BBX: variants seen among roughly 807,000 people sequenced by gnomAD.
BBX encodes the protein HMG box transcription factor BBX.
BBX carries 30 observed loss-of-function variants against 100.2 expected under a neutral mutation model. That is an observed-to-expected ratio of 0.30 (90% CI 0.22 to 0.41). The LOEUF (loss-of-function observed/expected upper bound fraction) is 0.41. Ranked by LOEUF, BBX falls within the 10% of genes least tolerant of loss-of-function variation. The pLI is 1.00. For synonymous variants in BBX, 376 were observed against 388.1 expected (o/e 0.97, Z 0.37); for missense variants, 1,023 against 1,129.8 (o/e 0.91, Z 1.35).
chr3:107,652,750 A>G (rs1249716970), intron 3 of BBX, among the ~76,000 whole-genome samples: 1 of 152,146 alleles, frequency 6.6e-6, no homozygotes, highest in Non-Finnish European at 1.5e-5. Flanking sequence ...AAATAAATGG[A>G]TCTAAGGCGG....
intron 10 of BBX, among the ~76,000 whole-genome samples, chr3:107,762,701 G>A (rs1033071242): frequency 6.6e-6 from 1 of 152,200 alleles, no homozygotes; most frequent in East Asian, 1.9e-4. Context: ...ATTGGTGTCA[G>A]TAGGTCTGTT....
chr3:107,740,786 C>G lies in BBX; in HGVS notation c.670-3844C>G, dbSNP rs17206667. Among the ~76,000 whole-genome samples the G allele has an allele frequency of 8.7e-3, 1,315 of 151,844 alleles. 11 individuals carry two copies. Among genetic ancestry groups the G allele is most frequent in the Middle Eastern group, 0.014 (4 of 292 alleles). On this transcript the variant is annotated intron_variant, in intron 7 of 17. Coordinates refer to ENST00000325805, the MANE Select transcript of BBX (RefSeq NM_001142568.3). The stretch of plus-strand genomic sequence containing the variant: ...TCCTAAGGTGTATCTTAGATGTTAT[C>G]TATCTTCCACCTGTTCCCACACAGA...
intron 2 of BBX, among the ~76,000 whole-genome samples, chr3:107,587,988 G>A (rs2052992707): frequency 1.3e-5 from 2 of 152,196 alleles, no homozygotes; most frequent in Non-Finnish European, 2.9e-5. Context: ...CCAAAAACTA[G>A]TACAAGAGTC....
chr3:107,584,935 T>G (rs628687), intron 2 of BBX, among the ~76,000 whole-genome samples: 10 of 151,870 alleles, frequency 6.6e-5, no homozygotes, highest in Non-Finnish European at 1.3e-4. Context: ...GCCCACCTCG[T>G]CCTCCCAAAG....
chr3:107,791,161 A>G, intron 14 of BBX, 79 bp from the exon 15 acceptor site: 1 of 1,194,266 alleles, frequency 8.4e-7, no homozygotes, highest in Non-Finnish European at 1.2e-6. Flanking sequence ...TAGTTTGTAT[A>G]TCATCTTGTT....
At chr3:107,704,632 C>T (rs1364284268) in intron 3 of BBX, among the ~76,000 whole-genome samples, 1 of 152,140 alleles carries the variant, frequency 6.6e-6, no homozygotes, top group Non-Finnish European at 1.5e-5. Context: ...ATAACAAACC[C>T]ACTCTGGTGA....
chr3:107,623,614 A>G (rs1050939135), intron 2 of BBX, among the ~76,000 whole-genome samples: 1 of 152,194 alleles, frequency 6.6e-6, no homozygotes, highest in African/African-American at 2.4e-5. Context: ...TCCAGGTTTC[A>G]TGGGGTCTGA....
At chr3:107,776,208 A>G (rs2067308338) in intron 12 of BBX, 1 of 152,180 alleles carries the variant, frequency 6.6e-6, no homozygotes, top group Non-Finnish European at 1.5e-5. Flanking sequence ...GAATAAAGCA[A>G]GCATTGAGGC....
At chr3:107,536,958 G>A (rs138500837) in intron 2 of BBX, among the ~76,000 whole-genome samples, 3 of 152,316 alleles carry the variant, frequency 2.0e-5, no homozygotes, top group African/African-American at 7.2e-5. Context: ...TCCAGCATAG[G>A]CGCTAGACCT....
intron 3 of BBX, among the ~76,000 whole-genome samples, chr3:107,692,170 T>TTTTTTTTATTTATTTA (rs2060215298): frequency 6.8e-6 from 1 of 148,076 alleles, no homozygotes; most frequent in African/African-American, 2.5e-5. Context: ...TTTTTAATTA[T>TTTTTTTTATTTATTTA]TTTATTTATT....
chr3:107,634,482 G>A (rs2056737771), intron 2 of BBX, among the ~76,000 whole-genome samples: 1 of 152,180 alleles, frequency 6.6e-6, no homozygotes, highest in Non-Finnish European at 1.5e-5. Context: ...TAGCAACAGT[G>A]TTGAACTGTG....
rs2056534737 is a variant in BBX, at chr3:107,631,327, G to C, written c.-83-14509G>C. 2.6e-5 allele frequency among the ~76,000 whole-genome samples: 4 copies of C among 152,308 alleles called. No individual in the cohort carries two copies. The South Asian group carries it at 8.3e-4, about 32-fold the overall frequency. ...AGGCACTTGGATAAAAAATAGTGAA[G>C]ATGTTTAGATTAAAACAAGGAAGAA... On this transcript the variant is annotated intron_variant, in intron 2 of 17. Transcript: ENST00000325805.
At chr3:107,763,791 T>G (rs13069015) in intron 10 of BBX, among the ~76,000 whole-genome samples, 61,619 of 151,922 alleles carry the variant, frequency 0.41, 14,005 homozygotes, top group East Asian at 0.89. Flanking sequence ...TGAGTTCCAT[T>G]TCTTCCTGCA....
At chr3:107,560,015 A>G (rs1334037201) in intron 2 of BBX, among the ~76,000 whole-genome samples, 2 of 152,288 alleles carry the variant, frequency 1.3e-5, no homozygotes, top group Non-Finnish European at 2.9e-5. Flanking sequence ...AAATGCTGGC[A>G]TTATAGGTGT....
rs375990589 is a variant in BBX at position 107,565,623 on chromosome 3, C to T, written c.-84+39225C>T. 5.3e-5 allele frequency among the ~76,000 whole-genome samples: 8 copies of T among 151,750 alleles called. No homozygotes were observed. The East Asian group carries it at 7.8e-4, about 15-fold the overall frequency. ...TAGCTGGGATTACAGATGCCCACCA[C>T]CATGCCCGGATAATTTTTGTATTTT... On this transcript the variant is annotated intron_variant, in intron 2 of 17. Transcript: ENST00000325805.
intron 5 of BBX, among the ~76,000 whole-genome samples, chr3:107,727,016 G>A (rs1415329411): frequency 6.6e-6 from 1 of 152,030 alleles, no homozygotes; most frequent in Non-Finnish European, 1.5e-5. Context: ...AAAATTGGTT[G>A]ATGCTGGCAA....
At chr3:107,606,512 C>T (rs764284116) in intron 2 of BBX, among the ~76,000 whole-genome samples, 4 of 152,116 alleles carry the variant, frequency 2.6e-5, no homozygotes, top group South Asian at 2.1e-4. Context: ...CCATGTGATG[C>T]GACACTTTTG....
intron 2 of BBX, among the ~76,000 whole-genome samples, chr3:107,607,526 A>G (rs1464708733): frequency 2.0e-5 from 3 of 152,184 alleles, no homozygotes; most frequent in East Asian, 3.8e-4. Context: ...ATGGGAGTGC[A>G]TGTGTCTATT....
chr3:107,703,076 G>A (rs2061180753), intron 3 of BBX, among the ~76,000 whole-genome samples: 1 of 152,154 alleles, frequency 6.6e-6, no homozygotes, highest in Admixed American at 6.5e-5. Context: ...TAATCTTCTT[G>A]TGTTTCAGCT....
Sources: allele counts gnomAD v4.1 joint callset (sites outside exome capture counted in the v4.1 genomes callset), GRCh38; gene constraint gnomAD v4.1.1; transcripts MANE v1.5; gene names NCBI Gene and HGNC (gene_info 2026-07-23, HGNC 2026-07-21).